Variants in ARMH1 observed in about 807,000 individuals in gnomAD.
ARMH1 encodes armadillo like helical domain containing 1, also known as armadillo-like helical domain containing protein 1.
A neutral mutation model predicts 50.2 loss-of-function variants in ARMH1; 34 were observed. The ratio of observed to expected loss-of-function variants is 0.68; its 90% CI spans 0.51 to 0.90. ARMH1 has a LOEUF of 0.90. Ranked by LOEUF, ARMH1 falls within the 40% of genes least tolerant of loss-of-function variation. ARMH1 has a pLI of 0.00. For missense variants in ARMH1, 538 were observed against 553.9 expected (o/e 0.97, Z 0.29); for synonymous variants, 221 against 224.2 (o/e 0.99, Z 0.13).
chr1:44,703,617 TA>T (rs1326808977), intron 5 of ARMH1, among the ~76,000 whole-genome samples: 1 of 150,030 alleles, frequency 6.7e-6, no homozygotes, highest in African/African-American at 2.4e-5. Context: ...TAATCCCAGC[TA>T]CTCAGAGGCT....
At chr1:44,677,412 A>G (rs778875758) in intron 1 of ARMH1, among the ~76,000 whole-genome samples, 5 of 152,242 alleles carry the variant, frequency 3.3e-5, no homozygotes, top group Non-Finnish European at 7.3e-5. Flanking sequence ...GACAAAGGAC[A>G]AGGAAGTTGA....
At chr1:44,694,758 C>T (rs1190520679) in intron 2 of ARMH1, among the ~76,000 whole-genome samples, 1 of 152,134 alleles carries the variant, frequency 6.6e-6, no homozygotes, top group Non-Finnish European at 1.5e-5. Context: ...GATTCACCCT[C>T]CTCAGTGCTG....
rs1157546156 is a variant in ARMH1 at position 44,683,221 on chromosome 1, A to C, written c.-22-6455A>C. Among the ~76,000 whole-genome samples, 3 of 152,148 alleles carry C rather than the reference A, an allele frequency of 2.0e-5. No homozygotes were observed. The highest frequency in any genetic ancestry group is 7.2e-5 in the African/African-American group (3 of 41,432). On this transcript the variant is annotated intron_variant, in intron 1 of 11. Transcript: ENST00000535358. The surrounding 1 kb of genome is among the most constrained non-coding windows in gnomAD (Gnocchi z 4.2). ...GTGGTGACCCAAGCACTGAAATAGG[A>C]CCAACACAGGGCAAGGGGCAGGTGT... is the stretch of plus-strand genomic sequence containing the variant.
In ARMH1 at chr1:44,701,923, C is replaced by CA. The variant is rs199970205; in HGVS notation, c.639+817dup. 4.4e-3 allele frequency among the ~76,000 whole-genome samples: 586 copies of CA among 132,778 alleles called. 2 individuals are homozygous for CA. The highest frequency in any genetic ancestry group is 0.026 in the South Asian group (110 of 4,186). 87.1% of individuals were successfully genotyped at this position (132,778 alleles called of 152,430 possible). On this transcript the variant is annotated intron_variant, in intron 5 of 11. Transcript: ENST00000535358. ...CTGGGCAAAAAAGTGAGACTCGTGT[C>CA]AAAAAAAAAAAAAGGCAAATTCAAA...
chr1:44,711,319 A>G (rs1382889895), intron 6 of ARMH1, among the ~76,000 whole-genome samples: 1 of 152,252 alleles, frequency 6.6e-6, no homozygotes, highest in East Asian at 1.9e-4. Context: ...TAGCAGCAAT[A>G]TATGAGGATT....
At chr1:44,698,705 T>C (rs1416775624) in intron 4 of ARMH1, among the ~76,000 whole-genome samples, 1 of 150,564 alleles carries the variant, frequency 6.6e-6, no homozygotes, top group African/African-American at 2.5e-5. Flanking sequence ...CCCAGCTACT[T>C]GGGATGCTAA....
In ARMH1 at chr1:44,681,040, G is replaced by C. The variant is rs988278998; in HGVS notation, c.-23+6167G>C. ...GACGGAGTCTCGCTCTGTCACCCAG[G>C]CTGGAGTGTAGTGGCGTGATCTCGG... is the stretch of plus-strand genomic sequence containing the variant. On this transcript the variant is annotated intron_variant, in intron 1 of 11. Coordinates refer to ENST00000535358, the MANE Select transcript of ARMH1 (RefSeq NM_001145636.2). The surrounding 1 kb of genome is among the most constrained non-coding windows in gnomAD (Gnocchi z 4.3). Among the ~76,000 whole-genome samples the C allele has an allele frequency of 2.7e-5, 4 of 149,650 alleles. No individual in the cohort carries two copies. The highest frequency in any genetic ancestry group is 2.0e-4 in the Admixed American group (3 of 15,064).
chr1:44,706,086 T>C (rs1454287460), intron 6 of ARMH1, among the ~76,000 whole-genome samples: 4 of 152,194 alleles, frequency 2.6e-5, no homozygotes, highest in Non-Finnish European at 5.9e-5. Context: ...CTCTCCAGTA[T>C]GCAGCATGGA....
chr1:44,679,912 T>A (rs1283194197), intron 1 of ARMH1, among the ~76,000 whole-genome samples: 1 of 152,212 alleles, frequency 6.6e-6, no homozygotes, highest in Non-Finnish European at 1.5e-5. Flanking sequence ...ACCCCTGCCC[T>A]TGAGGAACTC....
In ARMH1 at chr1:44,724,597, C is replaced by T; in HGVS notation, c.979C>T (p.Arg327Cys). ...AEELLYLRVVRGLMAAMGNTD... is the reference protein window; with the variant it reads ...AEELLYLRVVCGLMAAMGNTD... ...GGAGCTGCTGTACCTGCGCGTGGTG[C>T]GTGGCCTAATGGCCGCCATGGGCAA... The change falls in exon 9 of 12, where the codon CGT becomes TGT. Residue 327 changes from arginine to cysteine, a missense_variant. Arg to Cys is a radical substitution (Grantham distance 180, BLOSUM62 -3). Transcript: ENST00000535358. This position sits in a 1 kb window ranked among gnomAD's most constrained non-coding sequence, Gnocchi z 6.4. 1.3e-6 allele frequency: 2 copies of T among 1,516,696 alleles called. No individual in the cohort carries two copies. The highest frequency in any genetic ancestry group is 1.8e-6 in the Non-Finnish European group (2 of 1,135,274). The allele number at this position is 1,516,696 out of a possible 1,614,324, so 94.0% of individuals were successfully genotyped here. A position where few individuals can be genotyped will look rare whatever the true frequency, so the allele number is the denominator to read the frequency against.
At position 44,697,099 on chromosome 1, in the gene ARMH1, C is replaced by G; in HGVS notation, c.207-3C>G. The G allele has an allele frequency of 6.5e-7, 1 of 1,548,560 alleles. No individual in the cohort carries two copies. Among genetic ancestry groups the G allele is most frequent in the Non-Finnish European group, 8.7e-7 (1 of 1,143,698 alleles). On this transcript the variant is annotated splice_polypyrimidine_tract_variant and splice_region_variant and intron_variant, in intron 2 of 11. Transcript: ENST00000535358. Reference sequence around the variant, plus strand: ...GAAACTCACTCTTTAACGTGTCATACAGCTATATGACTGACTCATGTTTAG... The same window carrying G: ...GAAACTCACTCTTTAACGTGTCATAGAGCTATATGACTGACTCATGTTTAG...
chr1:44,715,265 T>C (rs773853092), intron 6 of ARMH1, among the ~76,000 whole-genome samples: 1 of 152,228 alleles, frequency 6.6e-6, no homozygotes, highest in African/African-American at 2.4e-5. Flanking sequence ...TGGAAATGGC[T>C]GCATGGAATA....
intron 6 of ARMH1, among the ~76,000 whole-genome samples, chr1:44,705,425 G>T (rs552419701): frequency 6.6e-6 from 1 of 151,844 alleles, no homozygotes; most frequent in Non-Finnish European, 1.5e-5. Context: ...CCTAGGAGGC[G>T]GAGGTTGCAT....
In ARMH1 at chr1:44,689,780, G is replaced by T; in HGVS notation, c.83G>T (p.Arg28Met). ...QEWDNAGKVARSHILDKFIET... is the reference protein window; with the variant it reads ...QEWDNAGKVAMSHILDKFIET... Reference sequence around the variant, plus strand: ...TGGGACAACGCTGGCAAAGTCGCAAGGAGTCACATCCTCGACAAGTTCATT... The same window carrying T: ...TGGGACAACGCTGGCAAAGTCGCAATGAGTCACATCCTCGACAAGTTCATT... The change falls in exon 2 of 12, where the codon AGG (arginine) becomes ATG (methionine). Residue 28 changes from arginine (R) to methionine (M), a missense_variant. By Grantham distance (91) the Arg-to-Met change is moderately conservative. Coordinates refer to ENST00000535358, the MANE Select transcript of ARMH1 (RefSeq NM_001145636.2). The T allele has an allele frequency of 6.4e-7, 1 of 1,551,948 alleles. No homozygotes were observed. The highest frequency in any genetic ancestry group is 8.7e-7 in the Non-Finnish European group (1 of 1,147,052).
At chr1:44,693,210 G>C (rs971070348) in intron 2 of ARMH1, among the ~76,000 whole-genome samples, 3 of 152,186 alleles carry the variant, frequency 2.0e-5, no homozygotes, top group Non-Finnish European at 4.4e-5. Context: ...CCCGGGTTAT[G>C]CTTTGAGAAA....
intron 1 of ARMH1, chr1:44,684,569 CA>C (rs1451213088): frequency 6.6e-6 from 1 of 152,140 alleles, no homozygotes. Flanking sequence ...GGGAGCTTAC[CA>C]ACAAGAAACC....
chr1:44,675,031 G>A (rs1005244699), intron 1 of ARMH1, among the ~76,000 whole-genome samples, 158 bp downstream of exon 1: 1 of 152,164 alleles, frequency 6.6e-6, no homozygotes, highest in Non-Finnish European at 1.5e-5. Context: ...CCTGTTGATA[G>A]GGCCCACCGA....
At chr1:44,713,655 TG>T (rs1557555456) in intron 6 of ARMH1, among the ~76,000 whole-genome samples, 1 of 152,198 alleles carries the variant, frequency 6.6e-6, no homozygotes, top group Non-Finnish European at 1.5e-5. Context: ...GTGAAAATCT[TG>T]GGGGGAAATC....
chr1:44,700,645 A>G (rs1031682728), intron 4 of ARMH1, among the ~76,000 whole-genome samples: 7 of 151,792 alleles, frequency 4.6e-5, no homozygotes, highest in African/African-American at 1.5e-4. Flanking sequence ...GAGTTATCAT[A>G]TAGCAATAAA....
Sources: allele counts gnomAD v4.1 joint callset (sites outside exome capture counted in the v4.1 genomes callset), GRCh38; gene constraint gnomAD v4.1.1; non-coding constraint Gnocchi (gnomAD v3.1); transcripts MANE v1.5; gene names NCBI Gene and HGNC (gene_info 2026-07-23, HGNC 2026-07-21).